Variants in KCNT1 observed in about 807,000 individuals in gnomAD.
The protein encoded by KCNT1 is potassium sodium-activated channel subfamily T member 1.
KCNT1 carries 78 observed loss-of-function variants against 147.8 expected under a neutral mutation model. The observed-to-expected ratio is 0.53, with a 90% CI of 0.44 to 0.64. The LOEUF is 0.64. Ranked by LOEUF, KCNT1 falls within the 30% of genes least tolerant of loss-of-function variation. The pLI is 0.00. For synonymous variants in KCNT1, 867 were observed against 748.8 expected, an observed-to-expected ratio of 1.16 and a Z score of -2.58; for missense variants, 1,419 against 1,750.3, an observed-to-expected ratio of 0.81 and a Z score of 3.38.
In KCNT1 at chr9:135,714,264, G is replaced by A. The variant is rs554229514; in HGVS notation, c.111-313G>A. On this transcript the variant is annotated intron_variant, in intron 1 of 30. Coordinates refer to ENST00000371757, the MANE Select transcript of KCNT1 (RefSeq NM_020822.3). This position sits in a 1 kb window ranked among gnomAD's most constrained non-coding sequence, Gnocchi z 6.2. ...TCTTGGGGGATCAGGGAGGAGTGGT[G>A]CGCGCCTGTCCCTGAGCTGGCCATG... 6.6e-6 allele frequency among the ~76,000 whole-genome samples: 1 copy of A among 151,852 alleles called. No homozygotes were observed. The highest frequency in any genetic ancestry group is 2.1e-4 in the South Asian group (1 of 4,828).
intron 3 of KCNT1, 38 bp downstream of exon 3, chr9:135,750,215 A>C: frequency 1.3e-6 from 2 of 1,492,288 alleles, no homozygotes; most frequent in Non-Finnish European, 1.8e-6. Flanking sequence ...CCAGGCAGGG[A>C]GGTGTTGAGG....
intron 2 of KCNT1, among the ~76,000 whole-genome samples, chr9:135,718,180 G>A (rs1588260080): frequency 6.6e-6 from 1 of 152,212 alleles, no homozygotes; most frequent in African/African-American, 2.4e-5. Flanking sequence ...CATCCCCAGT[G>A]CCTGTGCCTT....
chr9:135,702,608 A>G (rs1208938054), intron 1 of KCNT1, among the ~76,000 whole-genome samples: 9 of 152,074 alleles, frequency 5.9e-5, no homozygotes, highest in Non-Finnish European at 4.4e-5. Flanking sequence ...TCGACCTGGT[A>G]AGAAGCTGGG....
intron 2 of KCNT1, among the ~76,000 whole-genome samples, chr9:135,715,157 G>A (rs79715727): frequency 0.03 from 4,566 of 152,324 alleles, 219 homozygotes; most frequent in African/African-American, 0.1. Context: ...CAATGAGGGA[G>A]CTTGTCCTTC....
chr9:135,768,818 C>T lies in KCNT1; in HGVS notation c.1402-11C>T. On this transcript the variant is annotated splice_polypyrimidine_tract_variant and intron_variant, in intron 14 of 30. Coordinates refer to ENST00000371757, the MANE Select transcript of KCNT1 (RefSeq NM_020822.3). ...AGCCCGTCTGCACTGACCAACCACC[C>T]ACCCCGCCAGGACCACCAGACCATC... 5.6e-6 allele frequency: 9 copies of T among 1,606,492 alleles called. No homozygotes were observed. The highest frequency in any genetic ancestry group is 7.7e-6 in the Non-Finnish European group (9 of 1,176,184).
chr9:135,762,274 A>G (rs1377871264), intron 11 of KCNT1, among the ~76,000 whole-genome samples: 1 of 152,216 alleles, frequency 6.6e-6, no homozygotes, highest in Non-Finnish European at 1.5e-5. Context: ...AGAGACTCCC[A>G]TCTCTACCAA....
Position 135,739,025 on chromosome 9 carries a change from G to A in KCNT1, c.255-11073G>A, listed in dbSNP as rs1830453663. On this transcript the variant is annotated intron_variant, in intron 2 of 30. Coordinates refer to ENST00000371757, the MANE Select transcript of KCNT1 (RefSeq NM_020822.3). ...GTGTCCCTACCACCCCTGGACCTAGGCGGCCTTGCCCCTCCCAGCTGGGGT... is the reference window on the plus strand; with the variant it reads ...GTGTCCCTACCACCCCTGGACCTAGACGGCCTTGCCCCTCCCAGCTGGGGT... 2.0e-5 allele frequency among the ~76,000 whole-genome samples: 3 copies of A among 152,166 alleles called. No homozygotes were observed. In the South Asian group the frequency reaches 6.2e-4, roughly 32 times the overall value.
chr9:135,756,850 T>A, intron 6 of KCNT1, 23 bp from the exon 7 acceptor site: 1 of 1,610,360 alleles, frequency 6.2e-7, no homozygotes, highest in Non-Finnish European at 8.5e-7. Flanking sequence ...GCTCCAGAGC[T>A]CCTTCCCTTT....
At chr9:135,771,323 G>A in intron 18 of KCNT1, 1 of 601,024 alleles carries the variant, frequency 1.7e-6, no homozygotes, top group Non-Finnish European at 3.0e-6. Context: ...CAGGGCAGGA[G>A]ACCAGGCCAA....
intron 2 of KCNT1, among the ~76,000 whole-genome samples, chr9:135,747,454 G>C (rs916390243): frequency 6.6e-6 from 1 of 151,378 alleles, no homozygotes; most frequent in South Asian, 2.1e-4. Context: ...CTCAGCCCCC[G>C]GGGGCAGCTC....
chr9:135,788,228 G>T, intron 29 of KCNT1: 1 of 1,298,398 alleles, frequency 7.7e-7, no homozygotes. Context: ...ACCGCCGGCA[G>T]CCTTGCTGCG....
intron 13 of KCNT1, among the ~76,000 whole-genome samples, chr9:135,766,219 C>T (rs1832268257): frequency 6.6e-6 from 1 of 151,136 alleles, no homozygotes; most frequent in Non-Finnish European, 1.5e-5. Flanking sequence ...CAGGGTGGGT[C>T]ATCTGGGATG....
intron 24 of KCNT1, among the ~76,000 whole-genome samples, chr9:135,780,560 C>T (rs531604220): frequency 3.3e-4 from 51 of 152,338 alleles, no homozygotes; most frequent in African/African-American, 1.1e-3. Flanking sequence ...CCGGGCTGGG[C>T]AGCCACCAGG....
At chr9:135,720,334 C>T (rs1397364084) in intron 2 of KCNT1, among the ~76,000 whole-genome samples, 1 of 152,034 alleles carries the variant, frequency 6.6e-6, no homozygotes, top group Non-Finnish European at 1.5e-5. Context: ...TAGGAACAGC[C>T]CTGCCCTCCG....
At chr9:135,751,122 G>A (rs1254260774) in intron 4 of KCNT1, 81 bp downstream of exon 4, 1 of 1,313,134 alleles carries the variant, frequency 7.6e-7, no homozygotes, top group Non-Finnish European at 1.1e-6. Flanking sequence ...GAAGCTGATG[G>A]CGTCCCTGGG....
intron 29 of KCNT1, among the ~76,000 whole-genome samples, chr9:135,787,302 G>T (rs150601717): frequency 2.0e-5 from 3 of 152,206 alleles, no homozygotes; most frequent in Non-Finnish European, 4.4e-5. Context: ...CCTGCCTGGC[G>T]TGGAGAGAAG....
rs1278186698 is a variant in KCNT1 at position 135,714,592 on chromosome 9, G to T, written c.126G>T (p.Gly42=). 4.3e-6 allele frequency: 6 copies of T among 1,389,064 alleles called. No homozygotes were observed. Among genetic ancestry groups the T allele is most frequent in the Non-Finnish European group, 5.7e-6 (6 of 1,055,296 alleles). 86.0% of individuals were successfully genotyped at this position (1,389,064 alleles called of 1,614,324 possible). The change falls in exon 2 of 31, where the codon GGG becomes GGT. Residue 42 remains glycine, a synonymous_variant. Coordinates refer to ENST00000371757, the MANE Select transcript of KCNT1 (RefSeq NM_020822.3). This position sits in a 1 kb window ranked among gnomAD's most constrained non-coding sequence, Gnocchi z 6.2. ...GTGCCCGCAGGCGGCCCTGCGCGGGGGACGGCGCGCTCCTGGACACCGCCG... is the reference window on the plus strand; with the variant it reads ...GTGCCCGCAGGCGGCCCTGCGCGGGTGACGGCGCGCTCCTGGACACCGCCG... The part of the protein sequence containing the change: ...GQCAPRRPCA[G]DGALLDTAGF...
intron 2 of KCNT1, among the ~76,000 whole-genome samples, chr9:135,741,203 A>T (rs1005023832): frequency 1.3e-5 from 2 of 152,168 alleles, no homozygotes; most frequent in Admixed American, 1.3e-4. Context: ...GGCAGAGTAG[A>T]TGGGAGGCCC....
intron 27 of KCNT1, 122 bp from the exon 28 acceptor site, chr9:135,785,188 C>T: frequency 7.0e-7 from 1 of 1,422,864 alleles, no homozygotes. Context: ...TGCTGCAGTC[C>T]ACACAGCAGC....
Sources: allele counts gnomAD v4.1 joint callset (sites outside exome capture counted in the v4.1 genomes callset), GRCh38; gene constraint gnomAD v4.1.1; non-coding constraint Gnocchi (gnomAD v3.1); transcripts MANE v1.5; gene names NCBI Gene and HGNC (gene_info 2026-07-23, HGNC 2026-07-21).